ATF2: variants seen among roughly 807,000 people sequenced by gnomAD.
ATF2 encodes the protein activating transcription factor 2.
A neutral mutation model predicts 60.6 loss-of-function variants in ATF2; 24 were observed. The ratio of observed to expected loss-of-function variants is 0.40; its 90% CI spans 0.29 to 0.56. The LOEUF is 0.56. ATF2 is among the 20% of genes least tolerant of loss of function. The pLI is 0.54. For synonymous variants in ATF2, 206 were observed against 215.4 expected (o/e 0.96, Z 0.38); for missense variants, 433 against 607.7 (o/e 0.71, Z 3.02).
rs1180217067 is a variant in ATF2, at chr2:175,136,502, G to A, written c.-43-16C>T. 1 of 1,442,752 alleles carries A rather than the reference G, an allele frequency of 6.9e-7. No individual in the cohort carries two copies. Among genetic ancestry groups the A allele is most frequent in the Non-Finnish European group, 9.6e-7 (1 of 1,037,206 alleles). 89.4% of individuals were successfully genotyped at this position (1,442,752 alleles called of 1,614,324 possible). On this transcript the variant is annotated splice_polypyrimidine_tract_variant and intron_variant, in intron 2 of 13. Transcript: ENST00000264110. The stretch of plus-strand genomic sequence containing the variant: ...GGCAAGAATACTGAAAAACAAAGTG[G>A]TTTCACACTGTTAAAAATAGTTCTG...
chr2:175,108,563 C>T (rs1459196603), intron 10 of ATF2, among the ~76,000 whole-genome samples: 4 of 147,888 alleles, frequency 2.7e-5, no homozygotes, highest in Admixed American at 6.7e-5. Context: ...AGGTGGGGGG[C>T]GCCTCCGCCC....
At chr2:175,112,032 T>C (rs77120627) in intron 9 of ATF2, among the ~76,000 whole-genome samples, 175 of 152,330 alleles carry the variant, frequency 1.1e-3, no homozygotes, top group African/African-American at 3.8e-3. Context: ...ATTTCAACAA[T>C]GAATTTTGCT....
chr2:175,080,826 A>G (rs1693710701), intron 12 of ATF2, 61 bp from the exon 13 acceptor site: 3 of 1,342,156 alleles, frequency 2.2e-6, no homozygotes, highest in Non-Finnish European at 3.1e-6. Context: ...ACTATTTAAA[A>G]CAAGCAAGGA....
At chr2:175,135,651 A>C (rs1488546059) in intron 3 of ATF2, among the ~76,000 whole-genome samples, 2 of 152,196 alleles carry the variant, frequency 1.3e-5, no homozygotes, top group East Asian at 1.9e-4. Context: ...TTTCCATTAG[A>C]AGAAATTTAA....
At chr2:175,127,236 C>T in intron 4 of ATF2, 1 of 148,314 alleles carries the variant, frequency 6.7e-6, no homozygotes, top group African/African-American at 2.5e-5. Flanking sequence ...GAGACCCTGT[C>T]TCGAGAAAAA....
chr2:175,160,124 C>A (rs1470239242), intron 1 of ATF2, among the ~76,000 whole-genome samples: 1 of 152,190 alleles, frequency 6.6e-6, no homozygotes, highest in Non-Finnish European at 1.5e-5. Context: ...GTGGCTCACG[C>A]CTGTAACCCC....
At chr2:175,139,312 T>C (rs1698342974) in intron 2 of ATF2, among the ~76,000 whole-genome samples, 3 of 152,212 alleles carry the variant, frequency 2.0e-5, no homozygotes, top group Admixed American at 1.3e-4. Context: ...AGTCCATATT[T>C]ACTTCACATG....
intron 2 of ATF2, among the ~76,000 whole-genome samples, chr2:175,146,554 T>C (rs1398843984): frequency 1.3e-5 from 2 of 152,242 alleles, no homozygotes; most frequent in Admixed American, 1.3e-4. Context: ...AATAATTCAT[T>C]ACACAGCAGT....
rs540317587 is a variant in ATF2, at chr2:175,114,511, ACT to A, written c.626+177_626+178del. 2,357 of 1,314,018 alleles carry A rather than the reference ACT, an allele frequency of 1.8e-3. 3 individuals carry two copies. The highest frequency in any genetic ancestry group is 2.0e-3 in the Non-Finnish European group (2,014 of 1,029,916). The allele number at this position is 1,314,018 out of a possible 1,614,324, so 81.4% of individuals were successfully genotyped here. A position where few individuals can be genotyped will look rare whatever the true frequency, so the allele number is the denominator to read the frequency against. On this transcript the variant is annotated intron_variant, in intron 8 of 13. Coordinates refer to ENST00000264110, the MANE Select transcript of ATF2 (RefSeq NM_001880.4). ...TTGTTTTTAGTTGTATTTATCTCCC[ACT>A]CTGTTAGTTAATATTTATATTAAAG... is the stretch of plus-strand genomic sequence containing the variant.
chr2:175,104,256 A>G (rs1695492757), intron 10 of ATF2, among the ~76,000 whole-genome samples: 1 of 152,136 alleles, frequency 6.6e-6, no homozygotes, highest in African/African-American at 2.4e-5. Context: ...ATTATTTTTA[A>G]CCACAGGTCA....
In ATF2 at chr2:175,099,675, T is replaced by C. The variant is rs1559065005; in HGVS notation, c.829-2082A>G. 2.0e-5 allele frequency among the ~76,000 whole-genome samples: 3 copies of C among 152,232 alleles called. No individual in the cohort carries two copies. In the South Asian group the frequency reaches 6.2e-4, roughly 31 times the overall value. ...GAGATTCACCTGTGTTGTTGTATTA[T>C]CTGTAGTTTTTTAATGAGTTTTTAA... is the stretch of plus-strand genomic sequence containing the variant. On this transcript the variant is annotated intron_variant, in intron 10 of 13. Transcript: ENST00000264110.
intron 13 of ATF2, among the ~76,000 whole-genome samples, chr2:175,079,470 C>A (rs149651048): frequency 2.0e-5 from 3 of 152,074 alleles, no homozygotes; most frequent in Non-Finnish European, 4.4e-5. Context: ...ATATAAATCC[C>A]AAACATATTT....
intron 10 of ATF2, among the ~76,000 whole-genome samples, chr2:175,107,237 A>T (rs180733418): frequency 6.6e-6 from 1 of 152,340 alleles, no homozygotes; most frequent in East Asian, 1.9e-4. Context: ...GACACTGCTA[A>T]ACAGCTCTAG....
At chr2:175,084,088 T>A (rs967885717) in intron 12 of ATF2, among the ~76,000 whole-genome samples, 27 of 152,168 alleles carry the variant, frequency 1.8e-4, no homozygotes, top group African/African-American at 6.3e-4. Flanking sequence ...AGTGTGGCGA[T>A]TCCTCAGGGA....
At chr2:175,081,269 C>T (rs959513633) in intron 12 of ATF2, among the ~76,000 whole-genome samples, 1 of 152,148 alleles carries the variant, frequency 6.6e-6, no homozygotes, top group Non-Finnish European at 1.5e-5. Context: ...ACCTAAAATT[C>T]ACTGCAAGGC....
intron 12 of ATF2, among the ~76,000 whole-genome samples, chr2:175,085,720 A>G (rs1428777207): frequency 6.6e-6 from 1 of 152,094 alleles, no homozygotes; most frequent in African/African-American, 2.4e-5. Context: ...GTTTACTAAC[A>G]TATAGTTGTA....
At chr2:175,162,238 T>TC (rs757270064) in intron 1 of ATF2, among the ~76,000 whole-genome samples, 29 of 152,204 alleles carry the variant, frequency 1.9e-4, no homozygotes, top group Admixed American at 1.3e-3. Context: ...ATCACATAGA[T>TC]CACTGGTAGA....
At position 175,092,381 on chromosome 2, in the gene ATF2, C is replaced by T. The variant is rs555091266; in HGVS notation, c.1185+680G>A. 3.0e-5 allele frequency: 5 copies of T among 166,100 alleles called. No individual in the cohort carries two copies. The South Asian group carries it at 4.3e-4, about 14-fold the overall frequency. The allele number at this position is 166,100 out of a possible 1,614,324, so 10.3% of individuals were successfully genotyped here. A position where few individuals can be genotyped will look rare whatever the true frequency, so the allele number is the denominator to read the frequency against. On this transcript the variant is annotated intron_variant, in intron 12 of 13. Transcript: ENST00000264110. ...TTAAGATTATATAGGAGAATATTTA[C>T]GTTAAAAAACACAACAAAAACAAAA...
At chr2:175,142,087 C>CA (rs1698583943) in intron 2 of ATF2, among the ~76,000 whole-genome samples, 1 of 151,738 alleles carries the variant, frequency 6.6e-6, no homozygotes, top group South Asian at 2.1e-4. Context: ...TTAATATAGA[C>CA]ATAAGAGGAT....
Sources: allele counts gnomAD v4.1 joint callset (sites outside exome capture counted in the v4.1 genomes callset), GRCh38; gene constraint gnomAD v4.1.1; transcripts MANE v1.5; gene names NCBI Gene and HGNC (gene_info 2026-07-23, HGNC 2026-07-21).